The following SPG11 variants were observed in gnomAD, a reference collection of about 807,000 sequenced individuals.
SPG11 encodes the protein SPG11 vesicle trafficking associated, spatacsin.
In SPG11, 222 loss-of-function variants were observed where a neutral mutation model predicts 274.0. That is an observed-to-expected ratio of 0.81 (90% CI 0.73 to 0.91). The LOEUF is 0.91. Among genes scored for constraint, SPG11 ranks in the 40% least tolerant of loss-of-function variants. The probability of loss-of-function intolerance (pLI) is 0.00; values close to 1 mark genes in which losing one functional copy is unlikely to be tolerated. For synonymous variants in SPG11, 1,144 were observed against 1,039.7 expected (o/e 1.10, Z -1.93); for missense variants, 3,114 against 2,872.7 (o/e 1.08, Z -1.92).
rs575509432 is a variant in SPG11 at position 44,592,269 on chromosome 15, A to G, written c.4743+62T>C. 1.6e-5 allele frequency: 16 copies of G among 1,021,600 alleles called. No homozygotes were observed. The African/African-American group carries it at 2.5e-4, about 16-fold the overall frequency. 63.3% of individuals were successfully genotyped at this position (1,021,600 alleles called of 1,614,324 possible). On this transcript the variant is annotated intron_variant, in intron 27 of 39. Transcript: ENST00000261866. ...CACCAAGTCTTTAAACAAAAACAAA[A>G]AAGTCCATGCATGCCAACCAAGTGC...
rs565400392 is a variant in SPG11 at position 44,592,637 on chromosome 15, G to A, written c.4636-199C>T. 3.9e-5 allele frequency among the ~76,000 whole-genome samples: 6 copies of A among 152,126 alleles called. No homozygotes were observed. In the South Asian group the frequency reaches 1.2e-3, roughly 32 times the overall value. On this transcript the variant is annotated intron_variant, in intron 26 of 39. Transcript: ENST00000261866. The stretch of plus-strand genomic sequence containing the variant: ...AGTTCGAGACCACCCTGGCCAACAT[G>A]ATGAAACCCCATCTCTACTTAAAAT...
chr15:44,643,159 C>T (rs1311985238), intron 7 of SPG11, among the ~76,000 whole-genome samples: 1 of 152,128 alleles, frequency 6.6e-6, no homozygotes, highest in Non-Finnish European at 1.5e-5. Flanking sequence ...AGGGGAGAGG[C>T]ACTGTGTGAA....
chr15:44,602,985 C>T (rs1455815097), intron 20 of SPG11, among the ~76,000 whole-genome samples: 1 of 151,940 alleles, frequency 6.6e-6, no homozygotes, highest in Non-Finnish European at 1.5e-5. Flanking sequence ...AATAAAATCC[C>T]TTTTAACATA....
rs2082747265 is a variant in SPG11 at position 44,585,684 on chromosome 15, C to T, written c.5073G>A (p.Arg1691=). 1 of 1,613,696 alleles carries T rather than the reference C, an allele frequency of 6.2e-7. No individual in the cohort carries two copies. The highest frequency in any genetic ancestry group is 8.5e-7 in the Non-Finnish European group (1 of 1,179,932). The change falls in exon 29 of 40, where the codon AGG becomes AGA. Residue 1691 remains arginine, a synonymous_variant. Coordinates refer to ENST00000261866, the MANE Select transcript of SPG11 (RefSeq NM_025137.4). ...QTDGQFALAR[R]VAELAELPVD... ...CAGGTAACTCAGCTAATTCTGCTAC[C>T]CTCCTGGCCAAAGCGAATTGTCCAT...
Position 44,651,522 on chromosome 15 carries a change from A to G in SPG11, c.1425T>C (p.Ser475=), listed in dbSNP as rs1209850882. The G allele has an allele frequency of 6.2e-7, 1 of 1,614,196 alleles. No individual in the cohort carries two copies. Among genetic ancestry groups the G allele is most frequent in the South Asian group, 1.1e-5 (1 of 91,084 alleles). The change falls in exon 6 of 40, where the codon AGT becomes AGC. Residue 475 remains serine, a synonymous_variant. Transcript: ENST00000261866. ...AAACAAAGCACAGCTGCTGGTCTCC[A>G]CTACTGTCTACAGGAATACACTTTG... ...LGTKCIPVDS[S]GDQQLCFVLT...
Position 44,579,091 on chromosome 15 carries a change from G to A in SPG11, c.5867-4050C>T, listed in dbSNP as rs557161707. Reference sequence around the variant, plus strand: ...GAGAATCTCTTGAACCTGGGAGGCCGAGGTTGCAGTGAGCTGAGATTGCAC... The same window carrying A: ...GAGAATCTCTTGAACCTGGGAGGCCAAGGTTGCAGTGAGCTGAGATTGCAC... On this transcript the variant is annotated intron_variant, in intron 30 of 39. Coordinates refer to ENST00000261866, the MANE Select transcript of SPG11 (RefSeq NM_025137.4). Among the ~76,000 whole-genome samples the A allele has an allele frequency of 6.6e-5, 10 of 152,232 alleles. 1 individual carries two copies. Among genetic ancestry groups the A allele is most frequent in the South Asian group, 2.1e-4 (1 of 4,820 alleles).
At chr15:44,592,088 G>A (rs1229162727) in intron 27 of SPG11, among the ~76,000 whole-genome samples, 5 of 150,556 alleles carry the variant, frequency 3.3e-5, no homozygotes, top group African/African-American at 1.2e-4. Flanking sequence ...TCCAGCCTGG[G>A]CGACAGAGCC....
rs2085183924 is a variant in SPG11, at chr15:44,663,502, G to A, written c.146C>T (p.Thr49Ile). ...CAGGCTCCCCAGAGCCTCCGGCTGT[G>A]TGCGCAGCTGCGCCCGGGAGCCGAG... ...GQLGSRAQLR[T>I]QPEALGSLTA... The change falls in exon 1 of 40, where the codon ACA (threonine) becomes ATA (isoleucine). Residue 49 changes from threonine to isoleucine, a missense_variant. Transcript: ENST00000261866. The A allele has an allele frequency of 1.3e-6, 2 of 1,594,580 alleles. No individual in the cohort carries two copies. The highest frequency in any genetic ancestry group is 2.3e-5 in the East Asian group (1 of 43,882).
At chr15:44,609,695 T>C (rs1254646548) in intron 18 of SPG11, among the ~76,000 whole-genome samples, 1 of 151,494 alleles carries the variant, frequency 6.6e-6, no homozygotes, top group Non-Finnish European at 1.5e-5. Context: ...AAAAATAATC[T>C]CTATATAACA....
intron 24 of SPG11, 110 bp from the exon 25 acceptor site, chr15:44,596,465 A>G: frequency 8.4e-7 from 1 of 1,191,188 alleles, no homozygotes; most frequent in African/African-American, 1.5e-5. Context: ...CCCTGAACTA[A>G]GTCAGAGTGA....
At chr15:44,598,492 G>C in intron 22 of SPG11, 119 bp from the exon 23 acceptor site, 1 of 1,252,836 alleles carries the variant, frequency 8.0e-7, no homozygotes, top group East Asian at 2.4e-5. Flanking sequence ...CCAAGAAAGT[G>C]AGACAAAGAA....
chr15:44,649,819 T>C (rs1465479501), intron 6 of SPG11, among the ~76,000 whole-genome samples: 3 of 149,694 alleles, frequency 2.0e-5, no homozygotes, highest in African/African-American at 4.9e-5. Flanking sequence ...CACTTGAACC[T>C]GGGAGGCGGA....
chr15:44,606,160 T>C (rs2083313441), intron 19 of SPG11, 69 bp from the exon 20 acceptor site: 1 of 1,397,912 alleles, frequency 7.2e-7, no homozygotes, highest in Non-Finnish European at 1.0e-6. Context: ...AAAAATTATA[T>C]GAAAGGACTT....
intron 27 of SPG11, among the ~76,000 whole-genome samples, chr15:44,589,837 A>G (rs12594910): frequency 0.083 from 12,636 of 152,230 alleles, 1,306 homozygotes; most frequent in African/African-American, 0.23. Flanking sequence ...ACGCAGTCTC[A>G]CTCTGTTGCC....
chr15:44,633,680 A>AG, intron 7 of SPG11, 43 bp from the exon 8 acceptor site: 2 of 1,591,858 alleles, frequency 1.3e-6, no homozygotes, highest in Middle Eastern at 3.5e-4. Flanking sequence ...AAATTACAAT[A>AG]GGAAAAAAAA....
At chr15:44,600,735 T>A in intron 20 of SPG11, 103 bp from the exon 21 acceptor site, 1 of 1,271,356 alleles carries the variant, frequency 7.9e-7, no homozygotes, top group Non-Finnish European at 1.1e-6. Flanking sequence ...GCTGTAATTA[T>A]TTTGCATCAC....
chr15:44,659,205 T>G lies in SPG11; in HGVS notation c.541A>C (p.Arg181=). Residue 181 remains arginine (R), a synonymous_variant, in exon 3 of 40, where the codon AGA becomes CGA. Transcript: ENST00000261866. ...CVILHIIFPE[R]DAAIRVLNCF... is the part of the protein sequence containing the mutation. The stretch of plus-strand genomic sequence containing the variant: ...TTGAGTACTCTAATTGCAGCATCTC[T>G]TTCAGGAAATATAATATGTAGGATG... The G allele has an allele frequency of 6.2e-7, 1 of 1,614,222 alleles. No individual in the cohort carries two copies. Among genetic ancestry groups the G allele is most frequent in the Non-Finnish European group, 8.5e-7 (1 of 1,180,014 alleles).
rs1259379603 is a variant in SPG11, at chr15:44,592,776, T to TG, written c.4636-339dup. Among the ~76,000 whole-genome samples the TG allele has an allele frequency of 2.6e-5, 4 of 152,046 alleles. No homozygotes were observed. In the South Asian group the frequency reaches 8.4e-4, roughly 32 times the overall value. ...TGGAGGTTGCAATGAGCCAAGACTG[T>TG]GCCACTGCATTCCATCCTGGGCGAC... On this transcript the variant is annotated intron_variant, in intron 26 of 39. Transcript: ENST00000261866.
At chr15:44,652,587 A>G (rs1003660311) in intron 4 of SPG11, among the ~76,000 whole-genome samples, 1 of 152,080 alleles carries the variant, frequency 6.6e-6, no homozygotes, top group African/African-American at 2.4e-5. Flanking sequence ...ACCCCATCTT[A>G]TAGAAATGGA....
Sources: gnomAD v4.1 joint callset for allele counts (sites outside exome capture counted in the v4.1 genomes callset) on GRCh38, gnomAD v4.1.1 for gene constraint, MANE v1.5 for transcripts, NCBI Gene and HGNC (gene_info 2026-07-23, HGNC 2026-07-21) for gene names.